MYH14: variants seen among roughly 807,000 people sequenced by gnomAD.
The protein encoded by MYH14 is myosin-14.
In MYH14, 123 loss-of-function variants were observed where a neutral mutation model predicts 255.5. The ratio of observed to expected loss-of-function variants is 0.48; its 90% CI spans 0.42 to 0.56. The LOEUF (loss-of-function observed/expected upper bound fraction) is 0.56, where lower values mean the gene tolerates loss of function less well. Among genes scored for constraint, MYH14 ranks in the 20% least tolerant of loss-of-function variants. The pLI, the probability that MYH14 is intolerant of heterozygous loss-of-function variation, is 0.00. For synonymous variants in MYH14, 1,095 were observed against 1,161.2 expected, an observed-to-expected ratio of 0.94 and a Z score of 1.16; for missense variants, 2,423 against 2,802.3, an observed-to-expected ratio of 0.86 and a Z score of 3.06.
chr19:50,275,082 G>A (rs788339), intron 27 of MYH14, among the ~76,000 whole-genome samples: 2,210 of 151,946 alleles, frequency 0.015, 68 homozygotes, highest in African/African-American at 0.05. Context: ...TATTTTTATC[G>A]CCATCTCCCC....
Position 50,272,700 on chromosome 19 carries a change from AAGG to A in MYH14, c.3445_3447del (p.Glu1149del), listed in dbSNP as rs1347281101. 1 of 1,551,628 alleles carries A rather than the reference AAGG, an allele frequency of 6.4e-7. No homozygotes were observed. Among genetic ancestry groups the A allele is most frequent in the South Asian group, 1.2e-5 (1 of 84,094 alleles). ...GGAGCTGCGGGCCCAGCTGGGCCGGAAGGAGGAGGAGCTGCAGGCTGCCCTGGC... is the reference window on the plus strand; with the variant it reads ...GGAGCTGCGGGCCCAGCTGGGCCGGAAGGAGGAGCTGCAGGCTGCCCTGGC... On this transcript the variant is annotated inframe_deletion, in exon 27 of 43. Coordinates refer to ENST00000642316, the MANE Select transcript of MYH14 (RefSeq NM_001145809.2).
At chr19:50,236,730 T>C (rs1488706864) in intron 10 of MYH14, among the ~76,000 whole-genome samples, 1 of 151,762 alleles carries the variant, frequency 6.6e-6, no homozygotes, top group Non-Finnish European at 1.5e-5. Flanking sequence ...AAAAAAGAAA[T>C]GAAATGCCAT....
Position 50,257,367 on chromosome 19 carries a change from C to T in MYH14, c.2113C>T (p.Arg705Trp), listed in dbSNP as rs2034630257. 3 of 1,608,514 alleles carry T rather than the reference C, an allele frequency of 1.9e-6. No individual in the cohort carries two copies. Among genetic ancestry groups the T allele is most frequent in the South Asian group, 1.1e-5 (1 of 89,910 alleles). ...GDGPPGGRPRRGMFRTVGQLY... is the reference protein window; with the variant it reads ...GDGPPGGRPRWGMFRTVGQLY... ...CGGCCCACCAGGTGGCCGCCCCCGT[C>T]GGGGTATGTTCCGGACAGTGGGACA... The change falls in exon 18 of 43, where the codon CGG (arginine) becomes TGG (tryptophan). Residue 705 changes from arginine (R) to tryptophan (W), a missense_variant. Around this residue, in one of 3 missense-constraint regions of MYH14, gnomAD observed 672 missense variants for 881.8 expected, o/e 0.76. Coordinates refer to ENST00000642316, the MANE Select transcript of MYH14 (RefSeq NM_001145809.2).
chr19:50,260,738 T>C (rs1281045929), intron 20 of MYH14, 23 bp downstream of exon 20: 2 of 1,475,298 alleles, frequency 1.4e-6, no homozygotes, highest in Admixed American at 2.0e-5. Context: ...GAGCCTGGAA[T>C]GCGTGTGTGC....
At chr19:50,244,577 G>T in intron 11 of MYH14, among the ~76,000 whole-genome samples, 1 of 149,848 alleles carries the variant, frequency 6.7e-6, no homozygotes, top group Middle Eastern at 3.5e-3. Flanking sequence ...TCCGCCTCCC[G>T]GGTTCACACC....
At chr19:50,207,052 GAAAAAAAAAAA>G (rs11334892) in intron 1 of MYH14, among the ~76,000 whole-genome samples, 7 of 38,582 alleles carry the variant, frequency 1.8e-4, no homozygotes, top group Non-Finnish European at 3.4e-4. Context: ...GTTTCTACCA[GAAAAAAAAAAA>G]AAAAAAAAAA....
Position 50,309,826 on chromosome 19 carries a change from C to A in MYH14, c.*36C>A. The A allele has an allele frequency of 7.1e-7, 1 of 1,412,320 alleles. No homozygotes were observed. The highest frequency in any genetic ancestry group is 9.4e-7 in the Non-Finnish European group (1 of 1,059,680). 87.5% of individuals were successfully genotyped at this position (1,412,320 alleles called of 1,614,324 possible). A position where few individuals can be genotyped will look rare whatever the true frequency, so the allele number is the denominator to read the frequency against. ...TCCCCAGATGCACTAACAGATGGGGCCCAGCCCCCTTCCTCCCTGGACCCC... is the reference window on the plus strand; with the variant it reads ...TCCCCAGATGCACTAACAGATGGGGACCAGCCCCCTTCCTCCCTGGACCCC... On this transcript the variant is annotated 3_prime_UTR_variant, in exon 43 of 43. Transcript: ENST00000642316.
At chr19:50,223,213 C>G in intron 4 of MYH14, 34 bp from the exon 5 acceptor site, 1 of 1,609,810 alleles carries the variant, frequency 6.2e-7, no homozygotes, top group Non-Finnish European at 8.5e-7. Context: ...GAGGTCATTG[C>G]CAACCCCTTT....
intron 1 of MYH14, among the ~76,000 whole-genome samples, chr19:50,208,583 C>G (rs947030571): frequency 2.6e-5 from 4 of 152,166 alleles, no homozygotes; most frequent in Non-Finnish European, 4.4e-5. Context: ...TTTTATCTGT[C>G]TCCTGGGATT....
Position 50,268,163 on chromosome 19 carries a change from G to A in MYH14, c.2829G>A (p.Leu943=). The A allele has an allele frequency of 1.3e-6, 2 of 1,544,276 alleles. No individual in the cohort carries two copies. Among genetic ancestry groups the A allele is most frequent in the South Asian group, 1.2e-5 (1 of 83,990 alleles). Residue 943 remains leucine (L), a splice_region_variant and synonymous_variant, in exon 24 of 43, where the codon CTG becomes CTA. Coordinates refer to ENST00000642316, the MANE Select transcript of MYH14 (RefSeq NM_001145809.2). ...CTAACCTCCCACACACTCCCCAGCT[G>A]GAAGAGGAGCGCGCCCGCCTGGCAG... ...VGELQGRVAQ[L]EEERARLAEQ...
At position 50,247,021 on chromosome 19, in the gene MYH14, C is replaced by T. The variant is rs747977914; in HGVS notation, c.1228C>T (p.Arg410Cys). 1.1e-5 allele frequency: 18 copies of T among 1,611,970 alleles called. No individual in the cohort carries two copies. Among genetic ancestry groups the T allele is most frequent in the African/African-American group, 2.7e-5 (2 of 74,858 alleles). The change falls in exon 12 of 43, where the codon CGC becomes TGC. Residue 410 changes from arginine (R) to cysteine (C), a missense_variant. Around this residue, in one of 3 missense-constraint regions of MYH14, gnomAD observed 672 missense variants for 881.8 expected, o/e 0.76. Coordinates refer to ENST00000642316, the MANE Select transcript of MYH14 (RefSeq NM_001145809.2). The part of the protein sequence containing the change: ...PDNTAAQKLC[R>C]LLGLGVTDFS... ...GCCCTCAGCTGCACAGAAGCTCTGC[C>T]GCCTCTTGGGACTGGGGGTGACGGA...
At chr19:50,210,882 C>G in intron 2 of MYH14, 112 bp downstream of exon 2, 1 of 1,470,514 alleles carries the variant, frequency 6.8e-7, no homozygotes, top group South Asian at 1.3e-5. Flanking sequence ...CATCTGTATC[C>G]CATGTCCCGT....
intron 40 of MYH14, among the ~76,000 whole-genome samples, chr19:50,304,564 TG>T (rs2036595175): frequency 6.6e-6 from 1 of 152,194 alleles, no homozygotes; most frequent in Non-Finnish European, 1.5e-5. Context: ...CACTCTAGCC[TG>T]GGCAACAGAG....
rs558991834 is a variant in MYH14, at chr19:50,244,282, C to T, written c.1155C>T (p.Asn385=). 70 of 1,613,906 alleles carry T rather than the reference C, an allele frequency of 4.3e-5. 1 individual carries two copies. In the Admixed American group the frequency reaches 1.0e-3, roughly 23 times the overall value. The part of the protein sequence containing the change: ...RMVSAVLQFG[N]IALKRERNTD... ...TCTCAGCAGTTCTCCAGTTTGGCAA[C>T]ATTGCCTTGAAGAGAGAACGGAACA... is the stretch of plus-strand genomic sequence containing the variant. The change falls in exon 11 of 43, where the codon AAC becomes AAT. Residue 385 remains asparagine, a synonymous_variant. Transcript: ENST00000642316.
At chr19:50,214,243 G>A (rs1010721472) in intron 2 of MYH14, among the ~76,000 whole-genome samples, 1 of 152,180 alleles carries the variant, frequency 6.6e-6, no homozygotes, top group Non-Finnish European at 1.5e-5. Flanking sequence ...ACCCTGAAAG[G>A]TTGCTTGCTG....
chr19:50,261,927 G>A (rs2034895976), intron 21 of MYH14, among the ~76,000 whole-genome samples: 1 of 152,170 alleles, frequency 6.6e-6, no homozygotes, highest in Non-Finnish European at 1.5e-5. Context: ...AGGACTTCCA[G>A]TGCTAAAACA....
chr19:50,216,536 GGAGGC>G (rs1374175901), intron 2 of MYH14, among the ~76,000 whole-genome samples: 1 of 151,804 alleles, frequency 6.6e-6, no homozygotes, highest in Non-Finnish European at 1.5e-5. Flanking sequence ...TCTAGGAGGT[GGAGGC>G]TGCAGTGAGC....
Position 50,281,603 on chromosome 19 carries a change from T to C in MYH14, c.4300T>C (p.Trp1434Arg). The C allele has an allele frequency of 6.3e-7, 1 of 1,586,734 alleles. No individual in the cohort carries two copies. Among genetic ancestry groups the C allele is most frequent in the Non-Finnish European group, 8.6e-7 (1 of 1,166,246 alleles). The change falls in exon 33 of 43, where the codon TGG becomes CGG. Residue 1434 changes from tryptophan (W) to arginine (R), a missense_variant. Physicochemically the swap from Trp to Arg is moderately radical, Grantham distance 101. This residue lies in a region of MYH14 where 1,513 missense variants were observed against 1,674.8 expected (regional missense o/e 0.90). Transcript: ENST00000642316. ...LQTAQAQLSE[W>R]RRRQEEEAGA... ...TCTCTCCTCCCCTCAGCTTTCCGAGTGGCGGCGGCGCCAGGAGGAGGAGGC... is the reference window on the plus strand; with the variant it reads ...TCTCTCCTCCCCTCAGCTTTCCGAGCGGCGGCGGCGCCAGGAGGAGGAGGC...
rs2034005380 is a variant in MYH14 at position 50,244,245 on chromosome 19, T to C, written c.1118T>C (p.Met373Thr). Reference sequence around the variant, plus strand: ...ACCTCTGTCCTTGCGTCCCCAGCCATGCTGCGGATGGTCTCAGCAGTTCTC... The same window carrying C: ...ACCTCTGTCCTTGCGTCCCCAGCCACGCTGCGGATGGTCTCAGCAGTTCTC... ...LGFSHEEIISMLRMVSAVLQF... is the reference protein window; with the variant it reads ...LGFSHEEIISTLRMVSAVLQF... Residue 373 changes from methionine to threonine, a missense_variant, in exon 11 of 43, where the codon ATG (methionine) becomes ACG (threonine). Coordinates refer to ENST00000642316, the MANE Select transcript of MYH14 (RefSeq NM_001145809.2). 6.2e-7 allele frequency: 1 copy of C among 1,613,588 alleles called. No individual in the cohort carries two copies. The highest frequency in any genetic ancestry group is 1.7e-5 in the Admixed American group (1 of 59,990).
Sources: gnomAD v4.1 joint callset for allele counts (sites outside exome capture counted in the v4.1 genomes callset) on GRCh38, gnomAD v4.1.1 for gene constraint, gnomAD v4.1.1 regional missense constraint, MANE v1.5 for transcripts, NCBI Gene and HGNC (gene_info 2026-07-23, HGNC 2026-07-21) for gene names.